Variants in CTNNA3 observed in about 807,000 individuals in gnomAD.
CTNNA3 encodes the protein catenin alpha 3, also known as catenin alpha-3.
Under a neutral mutation model 95.7 loss-of-function variants are expected in CTNNA3, and 76 were observed. The observed-to-expected ratio is 0.79, with a 90% CI of 0.66 to 0.96. The LOEUF is 0.96. Among genes scored for constraint, CTNNA3 ranks in the 40% least tolerant of loss-of-function variants. The probability of loss-of-function intolerance (pLI) is 0.00; values close to 1 mark genes in which losing one functional copy is unlikely to be tolerated. For synonymous variants in CTNNA3, 431 were observed against 374.4 expected (o/e 1.15, Z -1.74); for missense variants, 1,191 against 1,089.8 (o/e 1.09, Z -1.31).
intron 11 of CTNNA3, among the ~76,000 whole-genome samples, chr10:66,382,809 T>C (rs2092852863): frequency 1.3e-5 from 2 of 152,128 alleles, no homozygotes; most frequent in Non-Finnish European, 2.9e-5. Flanking sequence ...GGGTCTGTAG[T>C]AGAACTCCAG....
chr10:66,792,263 C>T (rs1381038811), intron 7 of CTNNA3, among the ~76,000 whole-genome samples: 1 of 152,164 alleles, frequency 6.6e-6, no homozygotes, highest in Non-Finnish European at 1.5e-5. Context: ...GAACAACTAT[C>T]GTCATGATGT....
At chr10:67,557,688 T>C (rs777943607) in intron 3 of CTNNA3, among the ~76,000 whole-genome samples, 1 of 152,188 alleles carries the variant, frequency 6.6e-6, no homozygotes, top group Non-Finnish European at 1.5e-5. Context: ...ATTTAAAAGG[T>C]AAAGGAATTT....
At chr10:67,514,173 G>A (rs1564706585) in intron 5 of CTNNA3, among the ~76,000 whole-genome samples, 1 of 152,110 alleles carries the variant, frequency 6.6e-6, no homozygotes. Context: ...GGTGGTGGAT[G>A]CCTGTAATTC....
intron 12 of CTNNA3, among the ~76,000 whole-genome samples, chr10:66,283,386 T>C (rs2091528110): frequency 6.6e-6 from 1 of 151,900 alleles, no homozygotes; most frequent in Non-Finnish European, 1.5e-5. Flanking sequence ...TTCTGTCTAT[T>C]AATACTTTCA....
chr10:66,100,114 G>A (rs1445963526), intron 14 of CTNNA3, among the ~76,000 whole-genome samples: 4 of 152,048 alleles, frequency 2.6e-5, no homozygotes, highest in East Asian at 1.9e-4. Context: ...ATTAGTAAAC[G>A]GAACTGGGAG....
intron 7 of CTNNA3, among the ~76,000 whole-genome samples, chr10:67,018,297 C>G (rs1589610752): frequency 6.6e-6 from 1 of 152,104 alleles, no homozygotes; most frequent in East Asian, 1.9e-4. Context: ...AGGTAGTTTA[C>G]TCTTCGCTTT....
intron 7 of CTNNA3, among the ~76,000 whole-genome samples, chr10:67,100,039 T>A (rs1030054968): frequency 6.6e-6 from 1 of 151,794 alleles, no homozygotes; most frequent in Non-Finnish European, 1.5e-5. Flanking sequence ...AGAATTAATT[T>A]GTGTAAACAA....
intron 7 of CTNNA3, among the ~76,000 whole-genome samples, chr10:66,956,988 A>G (rs1437365965): frequency 1.3e-5 from 2 of 152,210 alleles, no homozygotes; most frequent in Admixed American, 6.5e-5. Flanking sequence ...GTGGTAATAA[A>G]ACCATGGAAT....
chr10:66,399,007 C>A (rs1260854487), intron 11 of CTNNA3, among the ~76,000 whole-genome samples: 2 of 151,990 alleles, frequency 1.3e-5, no homozygotes, highest in East Asian at 3.9e-4. Context: ...ATTTCCTTTT[C>A]CAATCATGTC....
chr10:67,222,958 C>T (rs1864726869), intron 5 of CTNNA3, among the ~76,000 whole-genome samples: 3 of 152,128 alleles, frequency 2.0e-5, no homozygotes, highest in African/African-American at 2.4e-5. Flanking sequence ...AACTTTAATG[C>T]CATGGGGACT....
intron 1 of CTNNA3, among the ~76,000 whole-genome samples, chr10:67,659,555 T>G (rs1253427605): frequency 1.3e-5 from 2 of 152,170 alleles, no homozygotes; most frequent in African/African-American, 4.8e-5. Flanking sequence ...CTACATATTT[T>G]TTAAAAGCCA....
rs186988392 is a variant in CTNNA3, at chr10:67,114,165, T to A, written c.1047+66152A>T. ...AATATTAAATTCTGTTCCCAATTAT[T>A]ATATAATTCCTATATCACCAACTTT... On this transcript the variant is annotated intron_variant, in intron 7 of 17. Coordinates refer to ENST00000433211, the MANE Select transcript of CTNNA3 (RefSeq NM_013266.4). 4.6e-4 allele frequency among the ~76,000 whole-genome samples: 70 copies of A among 152,242 alleles called. 1 individual carries two copies. Among genetic ancestry groups the A allele is most frequent in the African/African-American group, 1.6e-3 (66 of 41,556 alleles).
At chr10:66,039,889 C>T (rs7070685) in intron 15 of CTNNA3, among the ~76,000 whole-genome samples, 31,035 of 151,996 alleles carry the variant, frequency 0.2, 3,283 homozygotes, top group South Asian at 0.35. Flanking sequence ...CTAAACTAAA[C>T]AGCATCTGCA....
At chr10:66,469,654 C>T (rs113656111) in intron 11 of CTNNA3, among the ~76,000 whole-genome samples, 9,401 of 151,756 alleles carry the variant, frequency 0.062, 609 homozygotes, top group African/African-American at 0.16. Context: ...ACTACAGACA[C>T]TGAAATACAG....
intron 5 of CTNNA3, among the ~76,000 whole-genome samples, chr10:67,392,676 A>T (rs928089172): frequency 9.2e-5 from 14 of 152,188 alleles, no homozygotes; most frequent in Non-Finnish European, 1.6e-4. Flanking sequence ...TCAATGATAG[A>T]CTGGATTAAG....
chr10:67,492,739 G>C (rs1210817013), intron 5 of CTNNA3, among the ~76,000 whole-genome samples: 1 of 152,198 alleles, frequency 6.6e-6, no homozygotes, highest in African/African-American at 2.4e-5. Context: ...TCCACGAAGA[G>C]GGAACAGCAA....
chr10:66,211,531 T>C (rs186595030), intron 13 of CTNNA3, among the ~76,000 whole-genome samples: 1 of 152,326 alleles, frequency 6.6e-6, no homozygotes, highest in Non-Finnish European at 1.5e-5. Flanking sequence ...TGGAGCCTAA[T>C]TCACATCTGA....
intron 7 of CTNNA3, among the ~76,000 whole-genome samples, chr10:66,849,218 T>A (rs1023043500): frequency 6.6e-6 from 1 of 152,194 alleles, no homozygotes; most frequent in Admixed American, 6.5e-5. Context: ...TGGAGTCTAG[T>A]TGTTTGTTCA....
chr10:67,132,028 A>T (rs1466971828), intron 7 of CTNNA3, among the ~76,000 whole-genome samples: 1 of 152,140 alleles, frequency 6.6e-6, no homozygotes, highest in East Asian at 1.9e-4. Context: ...ATAGGATGGT[A>T]TTTGCAGTAT....
Sources: gnomAD v4.1 joint callset for allele counts (sites outside exome capture counted in the v4.1 genomes callset) on GRCh38, gnomAD v4.1.1 for gene constraint, MANE v1.5 for transcripts, NCBI Gene and HGNC (gene_info 2026-07-23, HGNC 2026-07-21) for gene names.